The following PLEKHA6 variants were observed in gnomAD, a reference collection of about 807,000 sequenced individuals.
PLEKHA6 encodes pleckstrin homology domain containing A6.
In PLEKHA6, 60 loss-of-function variants were observed where a neutral mutation model predicts 116.7. The observed-to-expected ratio is 0.51, with a 90% CI of 0.42 to 0.64. The LOEUF (loss-of-function observed/expected upper bound fraction) is 0.64. PLEKHA6 is among the 30% of genes least tolerant of loss of function. The pLI is 0.00. For synonymous variants in PLEKHA6, 489 were observed against 556.1 expected (o/e 0.88, Z 1.70); for missense variants, 1,338 against 1,422.7 (o/e 0.94, Z 0.96).
chr1:204,253,461 A>G (rs1406496507), intron 9 of PLEKHA6, among the ~76,000 whole-genome samples: 25 of 152,188 alleles, frequency 1.6e-4, no homozygotes, highest in Non-Finnish European at 4.4e-5. Context: ...GGCGAAGCCT[A>G]CAGTGAGCCG....
At chr1:204,275,282 C>T (rs893595363) in intron 1 of PLEKHA6, among the ~76,000 whole-genome samples, 10 of 152,146 alleles carry the variant, frequency 6.6e-5, no homozygotes, top group East Asian at 3.8e-4. Context: ...GCTTTTGCTC[C>T]GTCTCTTTCT....
rs373968079 is a variant in PLEKHA6 at position 204,241,464 on chromosome 1, G to T, written c.2320C>A (p.Arg774=). 1 of 1,605,562 alleles carries T rather than the reference G, an allele frequency of 6.2e-7. No homozygotes were observed. The part of the protein sequence containing the change: ...ALNKVGVVPP[R]TKSPTDDEVT... ...TCATCATCAGTGGGCGATTTTGTCC[G>T]AGGGGGCACAACGCCAACTGCAGAA... Residue 774 remains arginine (R), a synonymous_variant, in exon 17 of 23, where the codon CGG becomes AGG. Coordinates refer to ENST00000272203, the MANE Select transcript of PLEKHA6 (RefSeq NM_014935.5).
rs1246492756 is a variant in PLEKHA6, at chr1:204,228,225, C to T, written c.2889G>A (p.Met963Ile). The T allele has an allele frequency of 1.2e-6, 2 of 1,600,342 alleles. No homozygotes were observed. Among genetic ancestry groups the T allele is most frequent in the Non-Finnish European group, 8.5e-7 (1 of 1,171,464 alleles). The change falls in exon 21 of 23, where the codon ATG becomes ATA. Residue 963 changes from methionine to isoleucine, a missense_variant. Physicochemically the swap from Met to Ile is conservative, Grantham distance 10 (BLOSUM62 1). Around this residue, in one of 3 missense-constraint regions of PLEKHA6, gnomAD observed 1,136 missense variants for 1,163.6 expected, o/e 0.98. Coordinates refer to ENST00000272203, the MANE Select transcript of PLEKHA6 (RefSeq NM_014935.5). The surrounding 1 kb of genome is among the most constrained non-coding windows in gnomAD (Gnocchi z 4.0). ...CCTCGCCGATGGGCACCACGTTCTGCATACTGAAGAGGCACAGACACACAG... is the reference window on the plus strand; with the variant it reads ...CCTCGCCGATGGGCACCACGTTCTGTATACTGAAGAGGCACAGACACACAG... ...RIKTLIAKSS[M>I]QNVVPIGEGD...
intron 1 of PLEKHA6, among the ~76,000 whole-genome samples, chr1:204,321,286 C>A (rs1001542061): frequency 2.0e-5 from 3 of 152,156 alleles, no homozygotes; most frequent in Admixed American, 1.3e-4. Flanking sequence ...TCCTGAGGAT[C>A]TGCACATGAC....
chr1:204,297,620 G>GT (rs1468865187), intron 1 of PLEKHA6, among the ~76,000 whole-genome samples: 4 of 151,796 alleles, frequency 2.6e-5, no homozygotes, highest in Non-Finnish European at 4.4e-5. Flanking sequence ...CAACAGGGGG[G>GT]GTGGGTAACA....
At chr1:204,301,843 T>A (rs1037624165) in intron 1 of PLEKHA6, among the ~76,000 whole-genome samples, 2 of 152,136 alleles carry the variant, frequency 1.3e-5, no homozygotes, top group Non-Finnish European at 2.9e-5. Flanking sequence ...AATTCTCAGA[T>A]CTCTTGGCTC....
intron 3 of PLEKHA6, among the ~76,000 whole-genome samples, chr1:204,272,964 C>T (rs770628577): frequency 1.3e-4 from 20 of 152,284 alleles, no homozygotes; most frequent in Admixed American, 7.2e-4. Context: ...TCTCCTCTCC[C>T]ATCCCCCCTT....
intron 17 of PLEKHA6, among the ~76,000 whole-genome samples, chr1:204,236,309 G>A (rs1454391845): frequency 6.6e-6 from 1 of 152,184 alleles, no homozygotes; most frequent in Non-Finnish European, 1.5e-5. Context: ...GGAAATGCCT[G>A]ATCTCCCTTG....
intron 1 of PLEKHA6, among the ~76,000 whole-genome samples, chr1:204,318,869 G>A (rs1017150280): frequency 7.2e-5 from 11 of 152,194 alleles, no homozygotes; most frequent in Non-Finnish European, 1.3e-4. Flanking sequence ...AGAGATGTTA[G>A]GAGGGGAATA....
At position 204,245,127 on chromosome 1, in the gene PLEKHA6, T is replaced by C. The variant is rs1571849034; in HGVS notation, c.2033-124A>G. 16 of 649,862 alleles carry C rather than the reference T, an allele frequency of 2.5e-5. No homozygotes were observed. In the East Asian group the frequency reaches 5.2e-4, roughly 21 times the overall value. 40.3% of individuals were successfully genotyped at this position (649,862 alleles called of 1,614,324 possible). Reference sequence around the variant, plus strand: ...CAGGGATGTGGAAGGGCAGATTTAGTGTCTCAGGGCTACCTGGGCCTGCCA... The same window carrying C: ...CAGGGATGTGGAAGGGCAGATTTAGCGTCTCAGGGCTACCTGGGCCTGCCA... On this transcript the variant is annotated intron_variant, in intron 14 of 22. Coordinates refer to ENST00000272203, the MANE Select transcript of PLEKHA6 (RefSeq NM_014935.5).
chr1:204,232,724 C>T (rs1290437384), intron 17 of PLEKHA6, among the ~76,000 whole-genome samples: 2 of 152,038 alleles, frequency 1.3e-5, no homozygotes, highest in African/African-American at 2.4e-5. Flanking sequence ...AAGAATGACT[C>T]AGAGCAAAGC....
chr1:204,247,882 G>C (rs1289345099), intron 12 of PLEKHA6, among the ~76,000 whole-genome samples: 1 of 151,814 alleles, frequency 6.6e-6, no homozygotes, highest in African/African-American at 2.4e-5. Context: ...GAGCCCTGGA[G>C]GTCAAGATTG....
chr1:204,225,010 A>G (rs565825316), intron 21 of PLEKHA6, among the ~76,000 whole-genome samples: 5 of 152,312 alleles, frequency 3.3e-5, no homozygotes, highest in Non-Finnish European at 7.3e-5. Flanking sequence ...ATTTATACGC[A>G]ATTCTAAAAG....
intron 17 of PLEKHA6, among the ~76,000 whole-genome samples, chr1:204,235,305 A>T (rs1461442763): frequency 2.0e-5 from 3 of 152,142 alleles, no homozygotes; most frequent in Admixed American, 2.0e-4. Context: ...TTCACGGTTC[A>T]TTGAGAGGCA....
chr1:204,366,242 A>T (rs1399633849), intron 3 of PLEKHA6, among the ~76,000 whole-genome samples: 1 of 152,222 alleles, frequency 6.6e-6, no homozygotes, highest in Non-Finnish European at 1.5e-5. Context: ...ACAATTCACA[A>T]TTCTTAACTG....
At chr1:204,263,885 G>A (rs1012140821) in intron 6 of PLEKHA6, among the ~76,000 whole-genome samples, 10 of 152,112 alleles carry the variant, frequency 6.6e-5, no homozygotes, top group Non-Finnish European at 1.5e-4. Context: ...TGGCATACAA[G>A]ACCCCGGGAG....
At chr1:204,294,933 A>G (rs1472899446) in intron 1 of PLEKHA6, among the ~76,000 whole-genome samples, 11 of 152,194 alleles carry the variant, frequency 7.2e-5, no homozygotes, top group Admixed American at 7.2e-4. Context: ...CAGTGGCTCA[A>G]TTTTGATTAT....
At chr1:204,306,949 GC>G (rs1158231975) in intron 1 of PLEKHA6, among the ~76,000 whole-genome samples, 11 of 152,166 alleles carry the variant, frequency 7.2e-5, no homozygotes, top group African/African-American at 2.2e-4. Context: ...TCCCTCTGCA[GC>G]CCCCTACCCC....
intron 1 of PLEKHA6, among the ~76,000 whole-genome samples, chr1:204,319,604 C>G (rs1463849841): frequency 2.0e-5 from 3 of 152,146 alleles, no homozygotes; most frequent in Admixed American, 6.5e-5. Flanking sequence ...TGCGCTTTGT[C>G]TGTAAGTCAG....
Sources: gnomAD v4.1 joint callset for allele counts (sites outside exome capture counted in the v4.1 genomes callset) on GRCh38, gnomAD v4.1.1 for gene constraint, gnomAD v4.1.1 regional missense constraint, Gnocchi (gnomAD v3.1) non-coding constraint, MANE v1.5 for transcripts, NCBI Gene and HGNC (gene_info 2026-07-23, HGNC 2026-07-21) for gene names.